TPST1: variants seen among roughly 807,000 people sequenced by gnomAD.
TPST1 encodes the protein tyrosylprotein sulfotransferase 1.
Under a neutral mutation model 34.8 loss-of-function variants are expected in TPST1, and 20 were observed. The observed-to-expected ratio is 0.57, with a 90% CI of 0.40 to 0.84. The LOEUF (loss-of-function observed/expected upper bound fraction) is 0.84, where lower values mean the gene tolerates loss of function less well. Among genes scored for constraint, TPST1 ranks in the 40% least tolerant of loss-of-function variants. The probability of loss-of-function intolerance (pLI) is 0.00; values close to 1 mark genes in which losing one functional copy is unlikely to be tolerated. For synonymous variants in TPST1, 152 were observed against 159.4 expected (o/e 0.95, Z 0.35); for missense variants, 353 against 455.5 (o/e 0.78, Z 2.05).
intron 3 of TPST1, among the ~76,000 whole-genome samples, chr7:66,350,498 A>G (rs749143869): frequency 4.6e-5 from 7 of 152,054 alleles, no homozygotes; most frequent in Non-Finnish European, 1.0e-4. Flanking sequence ...TTGTGTCTCT[A>G]CTTCAGTTTA....
intron 2 of TPST1, among the ~76,000 whole-genome samples, chr7:66,243,590 C>T (rs1371727705): frequency 5.3e-5 from 8 of 149,776 alleles, no homozygotes; most frequent in Non-Finnish European, 8.9e-5. Context: ...ATTACAGGCA[C>T]GCATCACCAT....
intron 3 of TPST1, among the ~76,000 whole-genome samples, chr7:66,301,214 C>G (rs138990992): frequency 6.6e-6 from 1 of 152,284 alleles, no homozygotes; most frequent in African/African-American, 2.4e-5. Context: ...TCTTCATAAA[C>G]AAACAACCTC....
chr7:66,273,381 C>G (rs1782836798), intron 2 of TPST1, among the ~76,000 whole-genome samples: 1 of 152,130 alleles, frequency 6.6e-6, no homozygotes, highest in Non-Finnish European at 1.5e-5. Flanking sequence ...AATACAATCC[C>G]TATCAAAATT....
intron 2 of TPST1, among the ~76,000 whole-genome samples, chr7:66,254,443 G>A (rs1280547056): frequency 2.0e-5 from 3 of 152,056 alleles, no homozygotes; most frequent in African/African-American, 4.8e-5. Flanking sequence ...TCACTGTGTT[G>A]CCCAGGGTAG....
intron 3 of TPST1, among the ~76,000 whole-genome samples, chr7:66,348,821 A>G (rs1257255893): frequency 6.6e-6 from 1 of 152,234 alleles, no homozygotes; most frequent in African/African-American, 2.4e-5. Context: ...GAGGATACTA[A>G]AAGAAGGAAA....
intron 3 of TPST1, among the ~76,000 whole-genome samples, chr7:66,304,424 A>G (rs1052147260): frequency 6.6e-6 from 1 of 152,118 alleles, no homozygotes; most frequent in African/African-American, 2.4e-5. Flanking sequence ...AATGGCTTCT[A>G]CTTCATTTCC....
At chr7:66,301,244 CT>C (rs1212649961) in intron 3 of TPST1, among the ~76,000 whole-genome samples, 1 of 152,196 alleles carries the variant, frequency 6.6e-6, no homozygotes, top group Non-Finnish European at 1.5e-5. Context: ...CCAACTTTTC[CT>C]CTCACAGCCT....
In TPST1 at chr7:66,359,962, G is replaced by C. The variant is rs897899329; in HGVS notation, c.*97G>C. The C allele has an allele frequency of 6.6e-6, 3 of 456,568 alleles. No individual in the cohort carries two copies. The highest frequency in any genetic ancestry group is 6.0e-5 in the African/African-American group (3 of 50,066). 28.3% of individuals were successfully genotyped at this position (456,568 alleles called of 1,614,324 possible). A position where few individuals can be genotyped will look rare whatever the true frequency, so the allele number is the denominator to read the frequency against. The stretch of plus-strand genomic sequence containing the variant: ...TGGCTGTCCCCTGCCAAGCTTGGTG[G>C]AGCGTCTGCACCTTGGCTGCGCCGC... On this transcript the variant is annotated 3_prime_UTR_variant, in exon 6 of 6. Transcript: ENST00000304842.
chr7:66,334,768 C>A lies in TPST1; in HGVS notation c.1045-17737C>A, dbSNP rs367963371. ...AAGTGGTCATTTCAGACTGTGCCACCCCTTCCCCCCAAGCTGGCATAACAC... is the reference window on the plus strand; with the variant it reads ...AAGTGGTCATTTCAGACTGTGCCACACCTTCCCCCCAAGCTGGCATAACAC... On this transcript the variant is annotated intron_variant, in intron 3 of 5. Transcript: ENST00000304842. Among the ~76,000 whole-genome samples, 11 of 152,180 alleles carry A rather than the reference C, an allele frequency of 7.2e-5. No homozygotes were observed. In the East Asian group the frequency reaches 1.2e-3, roughly 16 times the overall value.
At chr7:66,325,394 G>A (rs766004510) in intron 3 of TPST1, among the ~76,000 whole-genome samples, 2 of 151,652 alleles carry the variant, frequency 1.3e-5, no homozygotes, top group African/African-American at 4.8e-5. Flanking sequence ...TTTTTTTCAT[G>A]CCTGGATTTT....
intron 3 of TPST1, among the ~76,000 whole-genome samples, chr7:66,343,688 C>T (rs1234736235): frequency 6.6e-6 from 1 of 152,260 alleles, no homozygotes; most frequent in Middle Eastern, 3.4e-3. Context: ...TTTCTTCTAC[C>T]CAGTATATCA....
intron 2 of TPST1, among the ~76,000 whole-genome samples, chr7:66,244,285 A>G: frequency 6.6e-6 from 1 of 152,180 alleles, no homozygotes; most frequent in Non-Finnish European, 1.5e-5. Context: ...TTTAATACTT[A>G]GTTCAGTATT....
At chr7:66,209,365 G>A (rs935049474) in intron 1 of TPST1, among the ~76,000 whole-genome samples, 34 of 152,298 alleles carry the variant, frequency 2.2e-4, no homozygotes, top group African/African-American at 7.9e-4. Flanking sequence ...GGCTGGGAAG[G>A]TATATGGGAG....
chr7:66,235,945 A>G (rs926995208), intron 1 of TPST1, among the ~76,000 whole-genome samples: 8 of 152,114 alleles, frequency 5.3e-5, no homozygotes, highest in African/African-American at 1.2e-4. Flanking sequence ...AAAGGAGGCA[A>G]TCATATATGC....
chr7:66,317,325 A>G (rs928883780), intron 3 of TPST1, among the ~76,000 whole-genome samples: 2 of 152,168 alleles, frequency 1.3e-5, no homozygotes, highest in Non-Finnish European at 2.9e-5. Context: ...AGTCTTTTCA[A>G]GTAATACTTT....
intron 1 of TPST1, among the ~76,000 whole-genome samples, chr7:66,208,033 T>G (rs924658765): frequency 2.6e-5 from 4 of 152,128 alleles, no homozygotes; most frequent in Non-Finnish European, 5.9e-5. Flanking sequence ...ATGCTTTTTC[T>G]GAACCTCTGG....
At chr7:66,279,626 A>G (rs1444177768) in intron 2 of TPST1, among the ~76,000 whole-genome samples, 1 of 152,188 alleles carries the variant, frequency 6.6e-6, no homozygotes, top group Non-Finnish European at 1.5e-5. Context: ...CTATTTTCTA[A>G]TAACAGCTCA....
At chr7:66,283,065 T>C (rs1368201719) in intron 2 of TPST1, among the ~76,000 whole-genome samples, 1 of 152,080 alleles carries the variant, frequency 6.6e-6, no homozygotes, top group Non-Finnish European at 1.5e-5. Context: ...GGTCAGGAGT[T>C]CAAGACCAGC....
At chr7:66,313,732 A>C (rs905401634) in intron 3 of TPST1, among the ~76,000 whole-genome samples, 4 of 152,188 alleles carry the variant, frequency 2.6e-5, no homozygotes, top group African/African-American at 9.6e-5. Context: ...AAAGGCTGTA[A>C]GAATAATACA....
Sources: allele counts gnomAD v4.1 joint callset (sites outside exome capture counted in the v4.1 genomes callset), GRCh38; gene constraint gnomAD v4.1.1; transcripts MANE v1.5; gene names NCBI Gene and HGNC (gene_info 2026-07-23, HGNC 2026-07-21).